The following SH3GLB2 variants were observed in gnomAD, a reference collection of about 807,000 sequenced individuals.
The protein encoded by SH3GLB2 is SH3 domain containing GRB2 like, endophilin B2, also known as endophilin-B2.
A neutral mutation model predicts 48.0 loss-of-function variants in SH3GLB2; 24 were observed. The ratio of observed to expected loss-of-function variants is 0.50; its 90% CI spans 0.36 to 0.70. SH3GLB2 has a LOEUF of 0.70. Ranked by LOEUF, SH3GLB2 falls within the 30% of genes least tolerant of loss-of-function variation. The probability of loss-of-function intolerance (pLI) is 0.00; values close to 1 mark genes in which losing one functional copy is unlikely to be tolerated. For missense variants in SH3GLB2, 425 were observed against 516.0 expected (o/e 0.82, Z 1.71); for synonymous variants, 227 against 207.6 (o/e 1.09, Z -0.80).
In SH3GLB2 at chr9:129,010,159, T is replaced by C; in HGVS notation, c.699A>G (p.Glu233=). The change falls in exon 8 of 11, where the codon GAA becomes GAG. Residue 233 remains glutamate, a synonymous_variant. Transcript: ENST00000372564. ...TTCCCTCCAGCAAGAGACGGGTCAC[T>C]TCTGCTTGCCGGTCAAACTCTGTCT... ...VAQTEFDRQA[E]VTRLLLEGIS... 2 of 1,614,064 alleles carry C rather than the reference T, an allele frequency of 1.2e-6. No homozygotes were observed. Among genetic ancestry groups the C allele is most frequent in the Non-Finnish European group, 1.7e-6 (2 of 1,179,986 alleles).
Position 129,009,359 on chromosome 9 carries a change from G to A in SH3GLB2, c.840-13C>T, listed in dbSNP as rs771789708. ...GGTGCCGGGAAATCTGGAGAGGAGG[G>A]ATACATCTTAGCAGGTGGGAGTCCC... On this transcript the variant is annotated splice_polypyrimidine_tract_variant and intron_variant, in intron 9 of 10. Coordinates refer to ENST00000372564, the MANE Select transcript of SH3GLB2 (RefSeq NM_020145.4). 5 of 1,550,884 alleles carry A rather than the reference G, an allele frequency of 3.2e-6. No individual in the cohort carries two copies. The South Asian group carries it at 4.8e-5, about 15-fold the overall frequency.
Position 129,008,635 on chromosome 9 carries a change from C to G in SH3GLB2, c.*49G>C, listed in dbSNP as rs909515037. 7.0e-7 allele frequency: 1 copy of G among 1,426,082 alleles called. No individual in the cohort carries two copies. The highest frequency in any genetic ancestry group is 1.4e-5 in the African/African-American group (1 of 71,498). 88.3% of individuals were successfully genotyped at this position (1,426,082 alleles called of 1,614,324 possible). A position where few individuals can be genotyped will look rare whatever the true frequency, so the allele number is the denominator to read the frequency against. On this transcript the variant is annotated 3_prime_UTR_variant, in exon 11 of 11. Coordinates refer to ENST00000372564, the MANE Select transcript of SH3GLB2 (RefSeq NM_020145.4). The stretch of plus-strand genomic sequence containing the variant: ...AACAAGTTAAGTGGCAGGGCTGCGC[C>G]CATCCTCTCCTGCCTAGGCCAGAAT...
intron 3 of SH3GLB2, 123 bp downstream of exon 3, chr9:129,020,968 A>G (rs1017871512): frequency 4.5e-5 from 52 of 1,156,114 alleles, no homozygotes; most frequent in Middle Eastern, 3.3e-4. Flanking sequence ...GAGTTTTTAC[A>G]TTTAGAATGA....
chr9:129,010,375 G>T, intron 7 of SH3GLB2, 166 bp from the exon 8 acceptor site: 1 of 658,372 alleles, frequency 1.5e-6, no homozygotes, highest in Non-Finnish European at 2.6e-6. Context: ...CCCCAGAGAA[G>T]CTAGAGCCCC....
At position 129,008,669 on chromosome 9, in the gene SH3GLB2, G is replaced by C. The variant is rs752375994; in HGVS notation, c.*15C>G. 1.2e-6 allele frequency: 2 copies of C among 1,604,022 alleles called. No individual in the cohort carries two copies. Among genetic ancestry groups the C allele is most frequent in the Non-Finnish European group, 1.7e-6 (2 of 1,170,876 alleles). ...CCTGCCTAGGCCAGAATGCGGGGGG[G>C]ATGGGGGCACCTGCCTAGCTGAGCA... On this transcript the variant is annotated 3_prime_UTR_variant, in exon 11 of 11. Coordinates refer to ENST00000372564, the MANE Select transcript of SH3GLB2 (RefSeq NM_020145.4).
intron 2 of SH3GLB2, among the ~76,000 whole-genome samples, chr9:129,021,730 G>T (rs1016879607): frequency 6.6e-6 from 1 of 151,746 alleles, no homozygotes; most frequent in South Asian, 2.1e-4. Context: ...AGGCCAAGGC[G>T]GGTGGATCAT....
chr9:129,009,527 C>G (rs1383122375), intron 9 of SH3GLB2, 181 bp from the exon 10 acceptor site: 1 of 1,547,922 alleles, frequency 6.5e-7, no homozygotes, highest in Non-Finnish European at 8.7e-7. Flanking sequence ...ACCCCCTGGT[C>G]CCTGCCATCC....
Position 129,008,421 on chromosome 9 carries a change from T to G in SH3GLB2, c.*263A>C. ...GCTGCTGCAGACAGCCCCTCCCTCC[T>G]TAGTGGAGCCTGGAGGGTGGGGTGC... On this transcript the variant is annotated 3_prime_UTR_variant, in exon 11 of 11. Coordinates refer to ENST00000372564, the MANE Select transcript of SH3GLB2 (RefSeq NM_020145.4). 1 of 439,872 alleles carries G rather than the reference T, an allele frequency of 2.3e-6. No individual in the cohort carries two copies. Among genetic ancestry groups the G allele is most frequent in the Non-Finnish European group, 4.3e-6 (1 of 234,530 alleles). 27.2% of individuals were successfully genotyped at this position (439,872 alleles called of 1,614,324 possible).
chr9:129,027,977 G>A, intron 1 of SH3GLB2, 115 bp downstream of exon 1: 2 of 974,228 alleles, frequency 2.1e-6, no homozygotes, highest in Non-Finnish European at 2.8e-6. Context: ...GCCGCGGCGG[G>A]GACGAGGGCA....
intron 3 of SH3GLB2, among the ~76,000 whole-genome samples, chr9:129,019,151 C>A (rs575846239): frequency 2.9e-4 from 44 of 151,902 alleles, no homozygotes; most frequent in Admixed American, 2.6e-3. Context: ...CTTTGGGAGG[C>A]CAAGGTGGGA....
rs986725100 is a variant in SH3GLB2 at position 129,008,282 on chromosome 9, C to T, written c.*402G>A. On this transcript the variant is annotated 3_prime_UTR_variant, in exon 11 of 11. Coordinates refer to ENST00000372564, the MANE Select transcript of SH3GLB2 (RefSeq NM_020145.4). ...GCTGCCAGAGCCCTGTGTGCCTTGC[C>T]GCATTCCCCTGATGCAGCTTTTGGC... The T allele has an allele frequency of 1.4e-5, 3 of 221,122 alleles. No homozygotes were observed. The highest frequency in any genetic ancestry group is 1.8e-5 in the Non-Finnish European group (2 of 108,222). The allele number at this position is 221,122 out of a possible 1,614,324, so 13.7% of individuals were successfully genotyped here.
At chr9:129,016,951 CTTTTTT>C (rs766780203) in intron 3 of SH3GLB2, among the ~76,000 whole-genome samples, 3 of 112,404 alleles carry the variant, frequency 2.7e-5, no homozygotes, top group South Asian at 3.0e-4. Flanking sequence ...ATACTCTGCT[CTTTTTT>C]TTTTTTTTTT....
At chr9:129,024,594 C>T (rs1489637977) in intron 1 of SH3GLB2, among the ~76,000 whole-genome samples, 4 of 150,930 alleles carry the variant, frequency 2.7e-5, no homozygotes, top group Non-Finnish European at 5.9e-5. Flanking sequence ...GTGGTGGCAC[C>T]CACCTGTAGT....
intron 5 of SH3GLB2, chr9:129,012,664 A>T: frequency 4.2e-6 from 2 of 472,244 alleles, no homozygotes; most frequent in Non-Finnish European, 7.5e-6. Flanking sequence ...GGTCCCGCAA[A>T]CACAGCCCAC....
chr9:129,023,855 T>G (rs1843971493), intron 1 of SH3GLB2, among the ~76,000 whole-genome samples: 1 of 152,056 alleles, frequency 6.6e-6, no homozygotes, highest in South Asian at 2.1e-4. Flanking sequence ...CTCTGCCTCC[T>G]CTTCCTCGTC....
At chr9:129,009,988 T>C in intron 8 of SH3GLB2, 117 bp from the exon 9 acceptor site, 2 of 1,358,860 alleles carry the variant, frequency 1.5e-6, no homozygotes, top group Non-Finnish European at 2.1e-6. Flanking sequence ...GCCCTGCCCC[T>C]GCGCCCACAC....
rs758227103 is a variant in SH3GLB2, at chr9:129,007,960, G to A, written c.*724C>T. ...GCCACAGGGCCCCTGCTCACTCTGT[G>A]GAAGAGTGGGGCAGAGGGTGAGTCT... is the stretch of plus-strand genomic sequence containing the variant. On this transcript the variant is annotated 3_prime_UTR_variant, in exon 11 of 11. Coordinates refer to ENST00000372564, the MANE Select transcript of SH3GLB2 (RefSeq NM_020145.4). 6.6e-6 allele frequency: 1 copy of A among 152,282 alleles called. No homozygotes were observed. Among genetic ancestry groups the A allele is most frequent in the Non-Finnish European group, 1.5e-5 (1 of 68,124 alleles). The allele number at this position is 152,282 out of a possible 1,614,324, so 9.4% of individuals were successfully genotyped here. A position where few individuals can be genotyped will look rare whatever the true frequency, so the allele number is the denominator to read the frequency against.
chr9:129,009,728 G>C (rs780619677), intron 9 of SH3GLB2, 43 bp downstream of exon 9: 1 of 1,561,978 alleles, frequency 6.4e-7, no homozygotes, highest in East Asian at 2.3e-5. Context: ...CAGGGTATGG[G>C]AGCCAGGGGG....
chr9:129,024,187 C>T (rs762836311), intron 1 of SH3GLB2, among the ~76,000 whole-genome samples: 4 of 145,634 alleles, frequency 2.7e-5, no homozygotes, highest in African/African-American at 5.2e-5. Flanking sequence ...TTTGGAAGGC[C>T]GATGTGGGCA....
Sources: allele counts gnomAD v4.1 joint callset (sites outside exome capture counted in the v4.1 genomes callset), GRCh38; gene constraint gnomAD v4.1.1; transcripts MANE v1.5; gene names NCBI Gene and HGNC (gene_info 2026-07-23, HGNC 2026-07-21).